The following HERC5 variants were observed in gnomAD, a reference collection of about 807,000 sequenced individuals.
HERC5 encodes the protein HECT and RLD domain containing E3 ubiquitin protein ligase 5.
A neutral mutation model predicts 119.6 loss-of-function variants in HERC5; 99 were observed. The observed-to-expected ratio is 0.83, with a 90% CI of 0.70 to 0.98. HERC5 has a LOEUF of 0.98. HERC5 is among the 50% of genes least tolerant of loss of function. HERC5 has a pLI of 0.00. For synonymous variants in HERC5, 478 were observed against 445.9 expected (o/e 1.07, Z -0.91); for missense variants, 1,267 against 1,241.3 (o/e 1.02, Z -0.31).
intron 2 of HERC5, 104 bp from the exon 3 acceptor site, chr4:88,459,991 T>G (rs866459735): frequency 4.8e-6 from 3 of 619,106 alleles, no homozygotes; most frequent in Non-Finnish European, 8.4e-6. Context: ...AATTGAAAGT[T>G]TTTTCTTGAG....
chr4:88,474,325 T>G (rs1374872370), intron 11 of HERC5, among the ~76,000 whole-genome samples: 1 of 152,218 alleles, frequency 6.6e-6, no homozygotes, highest in Non-Finnish European at 1.5e-5. Flanking sequence ...GGAATTAAGA[T>G]CTTACCAGGT....
At chr4:88,464,106 C>A in intron 6 of HERC5, 121 bp downstream of exon 6, 1 of 709,240 alleles carries the variant, frequency 1.4e-6, no homozygotes, top group Non-Finnish European at 2.1e-6. Context: ...AGTGAAAATG[C>A]TTAATTTATA....
chr4:88,493,668 A>G (rs995479827), intron 17 of HERC5, among the ~76,000 whole-genome samples: 2 of 152,052 alleles, frequency 1.3e-5, no homozygotes, highest in Non-Finnish European at 2.9e-5. Flanking sequence ...GTACAGTGCC[A>G]TGATCTTAAC....
intron 4 of HERC5, among the ~76,000 whole-genome samples, chr4:88,462,642 G>A (rs2149084933): frequency 6.6e-6 from 1 of 152,294 alleles, no homozygotes; most frequent in Middle Eastern, 3.4e-3. Context: ...CTAACTGCAA[G>A]CCTTGCCCAG....
At chr4:88,466,826 A>G (rs1003703801) in intron 6 of HERC5, among the ~76,000 whole-genome samples, 8 of 152,206 alleles carry the variant, frequency 5.3e-5, no homozygotes, top group African/African-American at 1.9e-4. Flanking sequence ...GCTTGTTTCA[A>G]CAAAGGGAAC....
At chr4:88,497,024 C>T (rs1009227831) in intron 18 of HERC5, among the ~76,000 whole-genome samples, 2 of 152,128 alleles carry the variant, frequency 1.3e-5, no homozygotes, top group Non-Finnish European at 2.9e-5. Context: ...CACCTATTCC[C>T]TTTAGATTCA....
chr4:88,481,333 A>G (rs1196443966), intron 13 of HERC5, among the ~76,000 whole-genome samples: 1 of 152,196 alleles, frequency 6.6e-6, no homozygotes, highest in Non-Finnish European at 1.5e-5. Flanking sequence ...TATTACAGGT[A>G]TGAGCCACTG....
In HERC5 at chr4:88,463,522, C is replaced by A; in HGVS notation, c.689-10C>A. 6.3e-7 allele frequency: 1 copy of A among 1,595,640 alleles called. No homozygotes were observed. The highest frequency in any genetic ancestry group is 8.6e-7 in the Non-Finnish European group (1 of 1,165,684). ...TTTTGGTCACTTCAGCTATTTTTTT[C>A]CTTACATAGGTAAAGATGATCCATC... On this transcript the variant is annotated splice_polypyrimidine_tract_variant and intron_variant, in intron 4 of 22. Coordinates refer to ENST00000264350, the MANE Select transcript of HERC5 (RefSeq NM_016323.4).
rs1468784720 is a variant in HERC5, at chr4:88,467,939, A to G, written c.1058-407A>G. Reference sequence around the variant, plus strand: ...AGAGTTATTTCCTTAAGCAGCATGTATTATCTTTGATTCCTTATAACAGTT... The same window carrying G: ...AGAGTTATTTCCTTAAGCAGCATGTGTTATCTTTGATTCCTTATAACAGTT... On this transcript the variant is annotated intron_variant, in intron 7 of 22. Transcript: ENST00000264350. 3 of 907,682 alleles carry G rather than the reference A, an allele frequency of 3.3e-6. No individual in the cohort carries two copies. In the African/African-American group the frequency reaches 5.4e-5, roughly 16 times the overall value. 56.2% of individuals were successfully genotyped at this position (907,682 alleles called of 1,614,324 possible). A position where few individuals can be genotyped will look rare whatever the true frequency, so the allele number is the denominator to read the frequency against.
At chr4:88,504,061 C>T (rs1033890882) in intron 20 of HERC5, among the ~76,000 whole-genome samples, 171 bp from the exon 21 acceptor site, 6 of 148,382 alleles carry the variant, frequency 4.0e-5, no homozygotes, top group African/African-American at 7.6e-5. Flanking sequence ...TGCGAGACTC[C>T]GTCTCAAAAA....
intron 18 of HERC5, among the ~76,000 whole-genome samples, chr4:88,495,573 GAAT>G (rs1741773923): frequency 6.6e-6 from 1 of 151,844 alleles, no homozygotes; most frequent in Admixed American, 6.6e-5. Flanking sequence ...TAAAAAAAAA[GAAT>G]AAGAACAGTA....
At chr4:88,499,814 T>C in intron 18 of HERC5, 112 bp from the exon 19 acceptor site, 1 of 706,434 alleles carries the variant, frequency 1.4e-6, no homozygotes, top group Non-Finnish European at 2.5e-6. Context: ...TGCTGTGAAC[T>C]ATACCTGACC....
chr4:88,494,585 A>C (rs1270327505), intron 18 of HERC5, among the ~76,000 whole-genome samples: 1 of 152,250 alleles, frequency 6.6e-6, no homozygotes, highest in African/African-American at 2.4e-5. Flanking sequence ...AGTCATGCAC[A>C]GAGCACAGGT....
At chr4:88,500,859 GATA>G in intron 19 of HERC5, 53 bp from the exon 20 acceptor site, 2 of 1,266,736 alleles carry the variant, frequency 1.6e-6, no homozygotes, top group Non-Finnish European at 2.3e-6. Context: ...TTTTATTGAT[GATA>G]GATTGTTCAG....
At chr4:88,500,362 T>C (rs1321162334) in intron 19 of HERC5, among the ~76,000 whole-genome samples, 2 of 152,228 alleles carry the variant, frequency 1.3e-5, no homozygotes, top group Non-Finnish European at 2.9e-5. Flanking sequence ...ATAGGCTAGC[T>C]GAGGCTTTTG....
chr4:88,502,201 C>T (rs1472922388), intron 20 of HERC5, among the ~76,000 whole-genome samples: 1 of 152,172 alleles, frequency 6.6e-6, no homozygotes, highest in Non-Finnish European at 1.5e-5. Flanking sequence ...TATGTGCAGG[C>T]ATTTCTGTTG....
chr4:88,479,519 T>C lies in HERC5; in HGVS notation c.1737+12T>C, dbSNP rs1450114513. 6.5e-7 allele frequency: 1 copy of C among 1,540,216 alleles called. No homozygotes were observed. The highest frequency in any genetic ancestry group is 1.4e-5 in the African/African-American group (1 of 71,764). Reference sequence around the variant, plus strand: ...AGAAGCTGCACAGGGTAAGAGTTCCTTTAGAAACCTCTGTGTTTTTATCTA... The same window carrying C: ...AGAAGCTGCACAGGGTAAGAGTTCCCTTAGAAACCTCTGTGTTTTTATCTA... On this transcript the variant is annotated intron_variant, in intron 13 of 22. Coordinates refer to ENST00000264350, the MANE Select transcript of HERC5 (RefSeq NM_016323.4).
chr4:88,460,961 G>T (rs1386681361), intron 3 of HERC5, among the ~76,000 whole-genome samples: 1 of 152,134 alleles, frequency 6.6e-6, no homozygotes. Flanking sequence ...CTGCACTACA[G>T]CCTGGGTAAC....
intron 14 of HERC5, among the ~76,000 whole-genome samples, 159 bp from the exon 15 acceptor site, chr4:88,486,908 TAA>T (rs1309632661): frequency 1.3e-5 from 2 of 152,214 alleles, no homozygotes; most frequent in Admixed American, 1.3e-4. Flanking sequence ...TTGATACATA[TAA>T]AACACATTTT....
Sources: gnomAD v4.1 joint callset for allele counts (sites outside exome capture counted in the v4.1 genomes callset) on GRCh38, gnomAD v4.1.1 for gene constraint, MANE v1.5 for transcripts, NCBI Gene and HGNC (gene_info 2026-07-23, HGNC 2026-07-21) for gene names.